The following NTM variants were observed in gnomAD, a reference collection of about 807,000 sequenced individuals.
NTM encodes the protein neurotrimin.
In NTM, 13 loss-of-function variants were observed where a neutral mutation model predicts 42.1. The ratio of observed to expected loss-of-function variants is 0.31; its 90% CI spans 0.20 to 0.49. The LOEUF (loss-of-function observed/expected upper bound fraction) is 0.49. Among genes scored for constraint, NTM ranks in the 20% least tolerant of loss-of-function variants. The pLI is 0.99. For missense variants in NTM, 373 were observed against 452.8 expected (o/e 0.82, Z 1.60); for synonymous variants, 187 against 179.2 (o/e 1.04, Z -0.35).
At chr11:131,953,920 G>A (rs570253268) in intron 2 of NTM, among the ~76,000 whole-genome samples, 2 of 152,282 alleles carry the variant, frequency 1.3e-5, no homozygotes, top group Non-Finnish European at 1.5e-5. Context: ...AAGCCACTCC[G>A]TGGAGATGGA....
intron 3 of NTM, among the ~76,000 whole-genome samples, chr11:132,173,335 G>A (rs1471973224): frequency 6.6e-6 from 1 of 152,150 alleles, no homozygotes; most frequent in Non-Finnish European, 1.5e-5. Flanking sequence ...TAAATAATCT[G>A]TGATTGTCCA....
chr11:131,505,759 G>T (rs1279547829), intron 1 of NTM, among the ~76,000 whole-genome samples: 1 of 152,174 alleles, frequency 6.6e-6, no homozygotes, highest in Admixed American at 6.5e-5. Context: ...AATGCCCAGG[G>T]TGCAGAAGAC....
chr11:131,931,991 G>A (rs1263564801), intron 2 of NTM, among the ~76,000 whole-genome samples: 1 of 152,230 alleles, frequency 6.6e-6, no homozygotes, highest in Non-Finnish European at 1.5e-5. Flanking sequence ...GCCTCGATCT[G>A]TTTCCAGCTA....
At chr11:132,186,855 G>A (rs1381022119) in intron 3 of NTM, among the ~76,000 whole-genome samples, 10 of 152,154 alleles carry the variant, frequency 6.6e-5, no homozygotes, top group Admixed American at 3.9e-4. Context: ...TCCCATTACC[G>A]CTTCCGAGCC....
chr11:131,755,106 T>G (rs1021581109), intron 1 of NTM, among the ~76,000 whole-genome samples: 4 of 152,212 alleles, frequency 2.6e-5, no homozygotes, highest in Non-Finnish European at 4.4e-5. Context: ...GTCATTCTGA[T>G]GAGGGTAGTG....
chr11:132,333,404 G>A (rs971359387), intron 8 of NTM, among the ~76,000 whole-genome samples: 1 of 152,130 alleles, frequency 6.6e-6, no homozygotes, highest in Non-Finnish European at 1.5e-5. Context: ...CAAAGAATGT[G>A]CTCTGTAGAT....
chr11:132,222,587 T>A (rs1342549020), intron 4 of NTM, among the ~76,000 whole-genome samples: 1 of 152,102 alleles, frequency 6.6e-6, no homozygotes, highest in Non-Finnish European at 1.5e-5. Context: ...ATCATTTCAG[T>A]TCCTCAAGGC....
chr11:131,970,270 G>T (rs372348673), intron 2 of NTM, among the ~76,000 whole-genome samples: 16 of 152,304 alleles, frequency 1.1e-4, no homozygotes, highest in African/African-American at 3.6e-4. Context: ...CCTGAACTCA[G>T]CTTGTGCTAG....
At chr11:131,654,970 C>T (rs888497460) in intron 1 of NTM, among the ~76,000 whole-genome samples, 1 of 152,186 alleles carries the variant, frequency 6.6e-6, no homozygotes, top group Non-Finnish European at 1.5e-5. Flanking sequence ...AAATCTCAGG[C>T]CACATGCACA....
chr11:131,404,237 C>A (rs1169208640), intron 1 of NTM, among the ~76,000 whole-genome samples: 6 of 152,198 alleles, frequency 3.9e-5, no homozygotes, highest in Admixed American at 6.5e-5. Context: ...ACTAAAGCTA[C>A]TCTCATCAAG....
chr11:132,192,436 A>G (rs974425287), intron 3 of NTM, among the ~76,000 whole-genome samples: 2 of 152,218 alleles, frequency 1.3e-5, no homozygotes, highest in Admixed American at 6.5e-5. Context: ...CAAAGGAGAA[A>G]TACAATCTTT....
intron 1 of NTM, among the ~76,000 whole-genome samples, chr11:131,372,446 G>A (rs1272372034): frequency 2.0e-5 from 3 of 151,878 alleles, no homozygotes; most frequent in African/African-American, 7.3e-5. Flanking sequence ...CAGTATCAGT[G>A]TGTGTGTGTG....
chr11:131,372,073 T>A (rs1217013330), intron 1 of NTM, among the ~76,000 whole-genome samples: 2 of 152,192 alleles, frequency 1.3e-5, no homozygotes, highest in African/African-American at 4.8e-5. Context: ...TCCTGCTGGC[T>A]CTTCTCCGAG....
At chr11:131,706,837 T>C (rs188427638) in intron 1 of NTM, among the ~76,000 whole-genome samples, 1 of 151,876 alleles carries the variant, frequency 6.6e-6, no homozygotes, top group Non-Finnish European at 1.5e-5. Flanking sequence ...GCAAGAGTAA[T>C]CTTTTTTATA....
At chr11:131,692,552 G>C (rs1482617358) in intron 1 of NTM, among the ~76,000 whole-genome samples, 2 of 152,242 alleles carry the variant, frequency 1.3e-5, no homozygotes, top group Non-Finnish European at 2.9e-5. Context: ...AAAGAGAGGG[G>C]ATAGAGAGGA....
intron 2 of NTM, among the ~76,000 whole-genome samples, chr11:132,011,820 C>A (rs1272625619): frequency 2.6e-5 from 4 of 152,288 alleles, no homozygotes; most frequent in African/African-American, 7.2e-5. Flanking sequence ...TTCTTGGAAT[C>A]TGTGCATGCT....
chr11:132,066,451 G>A (rs1202132577), intron 2 of NTM, among the ~76,000 whole-genome samples: 1 of 152,200 alleles, frequency 6.6e-6, no homozygotes, highest in African/African-American at 2.4e-5. Flanking sequence ...TGTAGGATCT[G>A]TGTTAGTTTC....
intron 1 of NTM, among the ~76,000 whole-genome samples, chr11:131,433,451 C>A (rs1948854196): frequency 6.6e-6 from 1 of 152,146 alleles, no homozygotes; most frequent in East Asian, 1.9e-4. Flanking sequence ...GAATCCCTGC[C>A]TCCAGGGCCT....
intron 3 of NTM, among the ~76,000 whole-genome samples, chr11:132,182,970 G>C (rs1207091470): frequency 6.6e-6 from 1 of 152,010 alleles, no homozygotes; most frequent in Non-Finnish European, 1.5e-5. Context: ...TTTCTGTAAG[G>C]CCCAAACACA....
Sources: allele counts gnomAD v4.1 joint callset (sites outside exome capture counted in the v4.1 genomes callset), GRCh38; gene constraint gnomAD v4.1.1; transcripts MANE v1.5; gene names NCBI Gene and HGNC (gene_info 2026-07-23, HGNC 2026-07-21).